Variants in CSMD1 observed in about 807,000 individuals in gnomAD.
CSMD1 encodes the protein CUB and Sushi multiple domains 1.
Under a neutral mutation model 417.5 loss-of-function variants are expected in CSMD1, and 213 were observed. That is an observed-to-expected ratio of 0.51 (90% CI 0.46 to 0.57). CSMD1 has a LOEUF of 0.57. Ranked by LOEUF, CSMD1 falls within the 20% of genes least tolerant of loss-of-function variation. CSMD1 has a pLI of 0.00. For missense variants in CSMD1, 6,923 were observed against 4,529.7 expected (o/e 1.53, Z -15.17); for synonymous variants, 2,862 against 1,736.8 (o/e 1.65, Z -16.11).
At chr8:4,456,197 A>G (rs977284477) in intron 2 of CSMD1, among the ~76,000 whole-genome samples, 2 of 152,022 alleles carry the variant, frequency 1.3e-5, no homozygotes, top group Non-Finnish European at 1.5e-5. Context: ...ACTTTATTAC[A>G]GGTTTTTAAA....
At chr8:3,435,974 C>G (rs1237902763) in intron 12 of CSMD1, among the ~76,000 whole-genome samples, 1 of 152,174 alleles carries the variant, frequency 6.6e-6, no homozygotes, top group African/African-American at 2.4e-5. Flanking sequence ...CACTTTGCAA[C>G]TTTGTATTTG....
chr8:3,894,231 C>T (rs1807193194), intron 5 of CSMD1, among the ~76,000 whole-genome samples: 1 of 152,164 alleles, frequency 6.6e-6, no homozygotes. Context: ...GCAGGTATCA[C>T]AACAGCTGTC....
chr8:3,075,451 T>C (rs534612427), intron 49 of CSMD1, among the ~76,000 whole-genome samples: 1 of 151,848 alleles, frequency 6.6e-6, no homozygotes, highest in South Asian at 2.1e-4. Context: ...CTGGCTAATT[T>C]TGTATTTTTA....
At chr8:3,367,676 G>A (rs1421460952) in intron 19 of CSMD1, among the ~76,000 whole-genome samples, 13 of 152,182 alleles carry the variant, frequency 8.5e-5, no homozygotes, top group Non-Finnish European at 1.2e-4. Flanking sequence ...ATACTTAAGT[G>A]CATATAAGTA....
At chr8:3,925,275 T>C (rs960195958) in intron 5 of CSMD1, among the ~76,000 whole-genome samples, 25 of 152,250 alleles carry the variant, frequency 1.6e-4, no homozygotes, top group Admixed American at 9.8e-4. Context: ...GCTTCAGCGA[T>C]TGCTACAATA....
intron 3 of CSMD1, among the ~76,000 whole-genome samples, chr8:4,135,370 GA>G (rs1443073570): frequency 4.6e-5 from 2 of 43,752 alleles, no homozygotes; most frequent in Non-Finnish European, 8.8e-5. Flanking sequence ...GAAGGAAGGG[GA>G]AAGTGGGAAA....
At chr8:3,063,550 T>C (rs1812731057) in intron 49 of CSMD1, among the ~76,000 whole-genome samples, 1 of 152,178 alleles carries the variant, frequency 6.6e-6, no homozygotes, top group African/African-American at 2.4e-5. Context: ...AGTAGCATTA[T>C]TCACAATAGC....
intron 50 of CSMD1, among the ~76,000 whole-genome samples, chr8:3,045,430 T>C (rs915726813): frequency 1.3e-5 from 2 of 152,210 alleles, no homozygotes; most frequent in African/African-American, 2.4e-5. Flanking sequence ...CCTTAAGCCC[T>C]GTCATATGTT....
intron 1 of CSMD1, among the ~76,000 whole-genome samples, chr8:4,766,272 C>T (rs749983593): frequency 2.0e-5 from 3 of 152,154 alleles, no homozygotes; most frequent in Non-Finnish European, 4.4e-5. Context: ...CCTGTCGTGA[C>T]TATCTTACCT....
intron 54 of CSMD1, among the ~76,000 whole-genome samples, chr8:2,979,470 T>C (rs1320435082): frequency 1.3e-5 from 2 of 152,224 alleles, no homozygotes; most frequent in East Asian, 3.9e-4. Flanking sequence ...GAATTAGCGA[T>C]GTGCTTTTGC....
intron 5 of CSMD1, among the ~76,000 whole-genome samples, chr8:3,907,782 C>T (rs539555423): frequency 6.6e-6 from 1 of 152,296 alleles, no homozygotes; most frequent in Admixed American, 6.5e-5. Context: ...CTCTTAGAAT[C>T]ACCCGCTGCT....
chr8:4,843,504 C>T (rs1456605549), intron 1 of CSMD1, among the ~76,000 whole-genome samples: 3 of 152,088 alleles, frequency 2.0e-5, no homozygotes, highest in South Asian at 2.1e-4. Flanking sequence ...AAAGACTAAT[C>T]GATCTAACTC....
chr8:4,411,761 G>A lies in CSMD1; in HGVS notation c.415+8192C>T, dbSNP rs1178320445. 2.6e-5 allele frequency among the ~76,000 whole-genome samples: 4 copies of A among 152,008 alleles called. No homozygotes were observed. The East Asian group carries it at 7.7e-4, about 29-fold the overall frequency. On this transcript the variant is annotated intron_variant, in intron 3 of 69. Coordinates refer to ENST00000635120, the MANE Select transcript of CSMD1 (RefSeq NM_033225.6). Reference sequence around the variant, plus strand: ...TATAGACGTTCACATACCTATCCAAGTACTTTATCTTTTCACCAAAATGGA... The same window carrying A: ...TATAGACGTTCACATACCTATCCAAATACTTTATCTTTTCACCAAAATGGA...
chr8:4,119,886 A>G (rs748746425), intron 3 of CSMD1, among the ~76,000 whole-genome samples: 4 of 152,228 alleles, frequency 2.6e-5, no homozygotes, highest in Non-Finnish European at 5.9e-5. Context: ...AAAGTACAGG[A>G]CAGTTGCCGG....
chr8:3,572,758 G>C (rs957481609), intron 10 of CSMD1, among the ~76,000 whole-genome samples: 25 of 152,064 alleles, frequency 1.6e-4, no homozygotes, highest in African/African-American at 5.8e-4. Context: ...GCTTTTATTT[G>C]AGCCCCTATG....
intron 7 of CSMD1, among the ~76,000 whole-genome samples, chr8:3,705,920 C>T (rs1329873104): frequency 2.0e-5 from 3 of 152,212 alleles, no homozygotes; most frequent in Non-Finnish European, 2.9e-5. Context: ...ATCCTCATGT[C>T]AGCAATAGGC....
chr8:4,359,647 G>C (rs972413470), intron 3 of CSMD1, among the ~76,000 whole-genome samples: 9 of 152,146 alleles, frequency 5.9e-5, no homozygotes, highest in Middle Eastern at 3.2e-3. Context: ...TGCTCCCCTT[G>C]CAAATGTGTG....
intron 3 of CSMD1, among the ~76,000 whole-genome samples, chr8:4,418,997 A>T (rs1446311778): frequency 6.6e-6 from 1 of 152,186 alleles, no homozygotes; most frequent in Non-Finnish European, 1.5e-5. Context: ...TTTTCTGCTA[A>T]TTTCACTACA....
intron 25 of CSMD1, among the ~76,000 whole-genome samples, chr8:3,299,656 A>C (rs1563243812): frequency 6.6e-6 from 1 of 152,194 alleles, no homozygotes; most frequent in Admixed American, 6.5e-5. Context: ...AAAGCAGGAA[A>C]GGAATCCAGG....
Sources: gnomAD v4.1 joint callset for allele counts (sites outside exome capture counted in the v4.1 genomes callset) on GRCh38, gnomAD v4.1.1 for gene constraint, MANE v1.5 for transcripts, NCBI Gene and HGNC (gene_info 2026-07-23, HGNC 2026-07-21) for gene names.